Variants in EIF4B observed in about 807,000 individuals in gnomAD.
EIF4B encodes the protein eukaryotic translation initiation factor 4B.
EIF4B carries 8 observed loss-of-function variants against 79.3 expected under a neutral mutation model. The ratio of observed to expected loss-of-function variants is 0.10; its 90% confidence interval spans 0.06 to 0.18. The LOEUF (loss-of-function observed/expected upper bound fraction) is 0.18, where lower values mean the gene tolerates loss of function less well. Among genes scored for constraint, EIF4B ranks in the 10% least tolerant of loss-of-function variants. EIF4B has a pLI of 1.00. For missense variants in EIF4B, 515 were observed against 792.4 expected (o/e 0.65, Z 4.20); for synonymous variants, 238 against 274.7 (o/e 0.87, Z 1.32).
intron 13 of EIF4B, 139 bp downstream of exon 13, chr12:53,039,482 C>T: frequency 8.0e-7 from 1 of 1,250,148 alleles, no homozygotes; most frequent in Non-Finnish European, 1.1e-6. Context: ...AGTTAAGATT[C>T]TGAAAATCTA....
In EIF4B at chr12:53,022,767, TGAAA is replaced by T. The variant is rs1415735986; in HGVS notation, c.667+144_667+147del. ...ATTAAGAAAAATTTTGGATAGTATC[TGAAA>T]GAACTGATAGATGCAGGAAACGAAT... On this transcript the variant is annotated intron_variant, in intron 6 of 14. Coordinates refer to ENST00000262056, the MANE Select transcript of EIF4B (RefSeq NM_001417.7). 2.2e-5 allele frequency: 24 copies of T among 1,074,100 alleles called. No individual in the cohort carries two copies. The African/African-American group carries it at 2.9e-4, about 13-fold the overall frequency. 66.5% of individuals were successfully genotyped at this position (1,074,100 alleles called of 1,614,324 possible). A position where few individuals can be genotyped will look rare whatever the true frequency, so the allele number is the denominator to read the frequency against.
chr12:53,006,640 GT>G, intron 1 of EIF4B, 144 bp downstream of exon 1: 1 of 1,432,968 alleles, frequency 7.0e-7, no homozygotes. Flanking sequence ...GCGTGGCCCT[GT>G]TAGGTTACTG....
chr12:53,015,424 A>T (rs1283215689), intron 1 of EIF4B, among the ~76,000 whole-genome samples: 1 of 152,200 alleles, frequency 6.6e-6, no homozygotes, highest in Non-Finnish European at 1.5e-5. Flanking sequence ...TCATACCTGT[A>T]ATCCCAGCAT....
chr12:53,008,906 GT>G (rs1943014943), intron 1 of EIF4B, among the ~76,000 whole-genome samples: 2 of 151,896 alleles, frequency 1.3e-5, no homozygotes, highest in Admixed American at 6.6e-5. Context: ...GTGGTGTCGC[GT>G]GCTTGTAATC....
chr12:53,020,504 C>T (rs1943231096), intron 4 of EIF4B, among the ~76,000 whole-genome samples: 1 of 152,172 alleles, frequency 6.6e-6, no homozygotes, highest in Non-Finnish European at 1.5e-5. Context: ...AGGAGAGTGA[C>T]AATAAATATC....
intron 13 of EIF4B, 23 bp downstream of exon 13, chr12:53,039,366 C>A: frequency 6.6e-7 from 1 of 1,523,378 alleles, no homozygotes; most frequent in Admixed American, 1.9e-5. Flanking sequence ...TCTTTCTCAT[C>A]TTTCCTCTGA....
rs552377753 is a variant in EIF4B at position 53,026,610 on chromosome 12, T to G, written c.668-1172T>G. 7.3e-4 allele frequency among the ~76,000 whole-genome samples: 111 copies of G among 152,318 alleles called. 1 individual carries two copies. The highest frequency in any genetic ancestry group is 2.3e-3 in the South Asian group (11 of 4,832). ...ATTTATACTAATTTATTGATTTATT[T>G]ATTTATTTTGAGAGGAAGTCTCACT... On this transcript the variant is annotated intron_variant, in intron 6 of 14. Transcript: ENST00000262056.
chr12:53,008,376 G>T (rs1943003860), intron 1 of EIF4B, among the ~76,000 whole-genome samples: 1 of 152,096 alleles, frequency 6.6e-6, no homozygotes, highest in African/African-American at 2.4e-5. Flanking sequence ...TTTTTAGCTG[G>T]TACTGGTATC....
intron 8 of EIF4B, among the ~76,000 whole-genome samples, chr12:53,032,171 G>A (rs979378646): frequency 2.0e-4 from 30 of 152,132 alleles, no homozygotes; most frequent in African/African-American, 7.0e-4. Flanking sequence ...CTGGCTGGGC[G>A]TGGTGGCTCA....
chr12:53,010,787 G>A (rs144152544), intron 1 of EIF4B, among the ~76,000 whole-genome samples: 1 of 152,140 alleles, frequency 6.6e-6, no homozygotes, highest in Admixed American at 6.6e-5. Context: ...TGGCCAGGCT[G>A]GTCTCGAGCT....
At chr12:53,019,437 A>ATATTTTTTTTTCTTT (rs1943205076) in intron 3 of EIF4B, among the ~76,000 whole-genome samples, 1 of 51,006 alleles carries the variant, frequency 2.0e-5, no homozygotes, top group Non-Finnish European at 3.7e-5. Flanking sequence ...ATATATATAT[A>ATATTTTTTTTTCTTT]TTTTTTTTTT....
At position 53,039,659 on chromosome 12, in the gene EIF4B, G is replaced by A. The variant is rs1392985729; in HGVS notation, c.1712G>A (p.Arg571Lys). The change falls in exon 14 of 15, where the codon AGA becomes AAA. Residue 571 changes from arginine to lysine, a missense_variant. Physicochemically the swap from Arg to Lys is conservative, Grantham distance 26. This residue lies in a region of EIF4B where 60 missense variants were observed against 56.7 expected (regional missense o/e 1.06). Coordinates refer to ENST00000262056, the MANE Select transcript of EIF4B (RefSeq NM_001417.7). ...RKDGKKDQDS[R>K]SAPEPKKPEE... Reference sequence around the variant, plus strand: ...GATGGCAAAAAGGATCAAGACTCCAGATCTGCACCTGAGCCAAAGAAACCT... The same window carrying A: ...GATGGCAAAAAGGATCAAGACTCCAAATCTGCACCTGAGCCAAAGAAACCT... The A allele has an allele frequency of 6.2e-7, 1 of 1,613,874 alleles. No individual in the cohort carries two copies.
At chr12:53,009,378 G>A (rs768540100) in intron 1 of EIF4B, among the ~76,000 whole-genome samples, 3 of 151,924 alleles carry the variant, frequency 2.0e-5, no homozygotes, top group African/African-American at 4.8e-5. Flanking sequence ...ACAAAAATTA[G>A]CGGGGTTTTG....
chr12:53,030,846 G>A (rs1381937653), intron 8 of EIF4B, among the ~76,000 whole-genome samples: 4 of 152,126 alleles, frequency 2.6e-5, no homozygotes, highest in Non-Finnish European at 4.4e-5. Flanking sequence ...AGACTTCTGT[G>A]TGGTATAGGT....
In EIF4B at chr12:53,041,238, A is replaced by G. The variant is rs1943631374; in HGVS notation, c.*1015A>G. Reference sequence around the variant, plus strand: ...GCCATGGAGAACTCTGAAAGGAAGAATCGCTGCTTTTCTCAAGCAAATCGG... The same window carrying G: ...GCCATGGAGAACTCTGAAAGGAAGAGTCGCTGCTTTTCTCAAGCAAATCGG... On this transcript the variant is annotated 3_prime_UTR_variant, in exon 15 of 15. Coordinates refer to ENST00000262056, the MANE Select transcript of EIF4B (RefSeq NM_001417.7). 6.6e-6 allele frequency: 1 copy of G among 152,200 alleles called. No homozygotes were observed. The allele number at this position is 152,200 out of a possible 1,614,324, so 9.4% of individuals were successfully genotyped here.
At position 53,030,732 on chromosome 12, in the gene EIF4B, G is replaced by A. The variant is rs940687812; in HGVS notation, c.979+2544G>A. Among the ~76,000 whole-genome samples, 15 of 152,028 alleles carry A rather than the reference G, an allele frequency of 9.9e-5. No homozygotes were observed. The East Asian group carries it at 1.2e-3, about 12-fold the overall frequency. On this transcript the variant is annotated intron_variant, in intron 8 of 14. Transcript: ENST00000262056. The stretch of plus-strand genomic sequence containing the variant: ...GTGAAAAAACTACGTTCTTAAAAGC[G>A]ATTTCCTCAAGCAAGAAGCCTAAAA...
At chr12:53,024,384 A>G (rs553854831) in intron 6 of EIF4B, among the ~76,000 whole-genome samples, 2 of 152,336 alleles carry the variant, frequency 1.3e-5, no homozygotes, top group East Asian at 3.9e-4. Context: ...TTTGAAAACA[A>G]TACCATGTAG....
chr12:53,016,654 C>A, intron 2 of EIF4B, 44 bp downstream of exon 2: 2 of 1,526,660 alleles, frequency 1.3e-6, no homozygotes, highest in South Asian at 1.3e-5. Context: ...TTATTATTTT[C>A]TAGACAAAAC....
chr12:53,032,910 A>T (rs1205159749), intron 8 of EIF4B, among the ~76,000 whole-genome samples: 4 of 151,860 alleles, frequency 2.6e-5, no homozygotes, highest in Non-Finnish European at 5.9e-5. Context: ...ATCTCAGGTG[A>T]TCCGCCCGCC....
Sources: allele counts gnomAD v4.1 joint callset (sites outside exome capture counted in the v4.1 genomes callset), GRCh38; gene constraint gnomAD v4.1.1; regional missense constraint gnomAD v4.1.1; transcripts MANE v1.5; gene names NCBI Gene and HGNC (gene_info 2026-07-23, HGNC 2026-07-21).